MYO18B: variants seen among roughly 807,000 people sequenced by gnomAD.
MYO18B encodes the protein unconventional myosin-XVIIIb.
In MYO18B, 204 loss-of-function variants were observed where a neutral mutation model predicts 273.0. The ratio of observed to expected loss-of-function variants is 0.75; its 90% CI spans 0.67 to 0.84. MYO18B has a LOEUF of 0.84. Among genes scored for constraint, MYO18B ranks in the 40% least tolerant of loss-of-function variants. The pLI, the probability that MYO18B is intolerant of heterozygous loss-of-function variation, is 0.00. For synonymous variants in MYO18B, 1,330 were observed against 1,305.7 expected (o/e 1.02, Z -0.40); for missense variants, 3,212 against 3,287.6 (o/e 0.98, Z 0.56).
chr22:25,789,351 T>C (rs2087551607), intron 11 of MYO18B, among the ~76,000 whole-genome samples: 1 of 151,978 alleles, frequency 6.6e-6, no homozygotes, highest in South Asian at 2.1e-4. Context: ...AAAACTAAAT[T>C]ATGGCTGGGC....
chr22:25,938,259 T>C (rs911323603), intron 34 of MYO18B, among the ~76,000 whole-genome samples: 59 of 152,336 alleles, frequency 3.9e-4, no homozygotes, highest in African/African-American at 1.4e-3. Flanking sequence ...TTCACCTAGG[T>C]ATTTAAAGCA....
At chr22:25,807,015 CTCTTT>C (rs2088509880) in intron 12 of MYO18B, among the ~76,000 whole-genome samples, 1 of 152,220 alleles carries the variant, frequency 6.6e-6, no homozygotes, top group Non-Finnish European at 1.5e-5. Context: ...AGCAGTAACT[CTCTTT>C]TCTTTGCAAA....
the MYO18B span, among the ~76,000 whole-genome samples, chr22:26,059,009 G>T: frequency 6.6e-6 from 1 of 152,124 alleles, no homozygotes; most frequent in Non-Finnish European, 1.5e-5. Flanking sequence ...TCTTCTCTTT[G>T]CCTCTTCACC....
intron 12 of MYO18B, among the ~76,000 whole-genome samples, chr22:25,807,388 AAGG>A (rs2145809798): frequency 6.6e-6 from 1 of 152,348 alleles, no homozygotes; most frequent in Admixed American, 6.5e-5. Context: ...AGTGCTGCTG[AAGG>A]AATCAGCCCC....
chr22:25,903,703 G>A lies in MYO18B; in HGVS notation c.5020G>A (p.Gly1674Arg), dbSNP rs757287380. ...MLQDHKRELL[G>R]SPSLGENCVA... ...ACAGGACCATAAACGGGAGCTGCTG[G>A]GGTCACCCTCTCTGGGGGAAAATTG... The change falls in exon 31 of 44, where the codon GGG (glycine) becomes AGG (arginine). Residue 1674 changes from glycine to arginine, a missense_variant. Gly to Arg is a moderately radical substitution (Grantham distance 125). Coordinates refer to ENST00000335473, the MANE Select transcript of MYO18B (RefSeq NM_032608.7). 5.0e-6 allele frequency: 8 copies of A among 1,609,560 alleles called. No homozygotes were observed. The East Asian group carries it at 1.1e-4, about 22-fold the overall frequency.
At chr22:25,829,990 C>G (rs1372922057) in intron 15 of MYO18B, among the ~76,000 whole-genome samples, 1 of 152,050 alleles carries the variant, frequency 6.6e-6, no homozygotes, top group African/African-American at 2.4e-5. Context: ...TTTTCAGTTC[C>G]CCATATGACT....
chr22:25,837,011 A>ATAATAT (rs1257544344), intron 17 of MYO18B, among the ~76,000 whole-genome samples: 1 of 144,832 alleles, frequency 6.9e-6, no homozygotes, highest in African/African-American at 2.6e-5. Flanking sequence ...AATAATAATA[A>ATAATAT]GGCAAATGCA....
At chr22:25,774,711 C>T (rs879445683) in intron 7 of MYO18B, among the ~76,000 whole-genome samples, 25 of 152,170 alleles carry the variant, frequency 1.6e-4, no homozygotes, top group Admixed American at 1.4e-3. Context: ...CACAGGCCTG[C>T]GGTGAGGCTG....
In MYO18B at chr22:25,833,029, A is replaced by G. The variant is rs756990527; in HGVS notation, c.3060+32A>G. ...CAGGGCCCAGCCAATCCAGGCTCTC[A>G]GATGCCAGTTGGCCATATTGAAATG... On this transcript the variant is annotated intron_variant, in intron 16 of 43. Transcript: ENST00000335473. 1.1e-5 allele frequency: 18 copies of G among 1,589,364 alleles called. No homozygotes were observed. In the African/African-American group the frequency reaches 2.3e-4, roughly 20 times the overall value.
chr22:25,926,625 A>G (rs1043486795), intron 34 of MYO18B, among the ~76,000 whole-genome samples: 3 of 152,132 alleles, frequency 2.0e-5, no homozygotes, highest in African/African-American at 7.2e-5. Flanking sequence ...GACATGTAGG[A>G]GGGAATGTGT....
At chr22:25,952,033 G>A (rs1162824969) in intron 37 of MYO18B, among the ~76,000 whole-genome samples, 3 of 152,172 alleles carry the variant, frequency 2.0e-5, no homozygotes, top group Admixed American at 6.5e-5. Flanking sequence ...GTTTTCAATT[G>A]TGAAGGCATA....
At chr22:25,770,636 G>T (rs150916254) in intron 5 of MYO18B, among the ~76,000 whole-genome samples, 1,546 of 152,282 alleles carry the variant, frequency 0.01, 17 homozygotes, top group Middle Eastern at 0.054. Flanking sequence ...CTCTGTGCCT[G>T]GCACTGTGAC....
chr22:25,921,815 A>AGT (rs71191088), intron 34 of MYO18B, among the ~76,000 whole-genome samples: 8,048 of 130,390 alleles, frequency 0.062, 286 homozygotes, highest in African/African-American at 0.076. Flanking sequence ...AAATAGCAAT[A>AGT]GTGTGTGTGT....
intron 1 of MYO18B, among the ~76,000 whole-genome samples, chr22:25,750,381 G>A (rs968752881): frequency 1.6e-4 from 24 of 152,226 alleles, no homozygotes; most frequent in African/African-American, 5.8e-4. Flanking sequence ...AGTCCACAGG[G>A]TCAGCAGCCA....
chr22:25,862,883 C>T (rs939967175), intron 21 of MYO18B, among the ~76,000 whole-genome samples: 7 of 151,402 alleles, frequency 4.6e-5, no homozygotes, highest in African/African-American at 1.5e-4. Flanking sequence ...TTCTAGCCAT[C>T]ATTTTTCATA....
chr22:25,948,235 ATCTG>A (rs976760237), intron 36 of MYO18B, among the ~76,000 whole-genome samples: 27 of 152,116 alleles, frequency 1.8e-4, no homozygotes, highest in Admixed American at 1.6e-3. Flanking sequence ...CCACCCATCC[ATCTG>A]TCTGTCCAAC....
intron 20 of MYO18B, among the ~76,000 whole-genome samples, chr22:25,850,320 C>T (rs695665): frequency 0.86 from 131,567 of 152,102 alleles, 57,130 homozygotes; most frequent in East Asian, 1. Flanking sequence ...GGAATTTGCG[C>T]TCAATTTCCT....
At chr22:25,751,139 A>G (rs2085919325) in intron 1 of MYO18B, among the ~76,000 whole-genome samples, 1 of 152,242 alleles carries the variant, frequency 6.6e-6, no homozygotes, top group African/African-American at 2.4e-5. Flanking sequence ...AGTCCTCAGT[A>G]TTGAGTAATG....
intron 34 of MYO18B, among the ~76,000 whole-genome samples, chr22:25,929,800 C>T (rs1268555610): frequency 6.6e-6 from 1 of 152,140 alleles, no homozygotes; most frequent in African/African-American, 2.4e-5. Flanking sequence ...ATATCTAGTA[C>T]TTGGATTTCT....
Sources: gnomAD v4.1 joint callset for allele counts (sites outside exome capture counted in the v4.1 genomes callset) on GRCh38, gnomAD v4.1.1 for gene constraint, MANE v1.5 for transcripts, NCBI Gene and HGNC (gene_info 2026-07-23, HGNC 2026-07-21) for gene names.